Variants in ST6GALNAC3 observed in about 807,000 individuals in gnomAD.
ST6GALNAC3 encodes the protein ST6 N-acetylgalactosaminide alpha-2,6-sialyltransferase 3.
In ST6GALNAC3, 25 loss-of-function variants were observed where a neutral mutation model predicts 32.7. The ratio of observed to expected loss-of-function variants is 0.76; its 90% confidence interval spans 0.56 to 1.07. The LOEUF (loss-of-function observed/expected upper bound fraction) is 1.07. Ranked by LOEUF, ST6GALNAC3 falls within the 50% of genes least tolerant of loss-of-function variation. The pLI is 0.00. For synonymous variants in ST6GALNAC3, 129 were observed against 133.1 expected (o/e 0.97, Z 0.21); for missense variants, 355 against 382.4 (o/e 0.93, Z 0.60).
At position 76,630,430 on chromosome 1, in the gene ST6GALNAC3, A is replaced by G; in HGVS notation, c.*1624A>G. ...TATAGTTTCCTTTCCTAGGATTGAG[A>G]CAATTCTATTTTTCATATACTCGTT... On this transcript the variant is annotated 3_prime_UTR_variant, in exon 5 of 5. Coordinates refer to ENST00000328299, the MANE Select transcript of ST6GALNAC3 (RefSeq NM_152996.4). The G allele has an allele frequency of 1.0e-6, 1 of 985,222 alleles. No homozygotes were observed. The highest frequency in any genetic ancestry group is 1.2e-6 in the Non-Finnish European group (1 of 829,822). The allele number at this position is 985,222 out of a possible 1,614,324, so 61.0% of individuals were successfully genotyped here.
chr1:76,447,106 A>C (rs1301444820), intron 3 of ST6GALNAC3, among the ~76,000 whole-genome samples: 1 of 152,200 alleles, frequency 6.6e-6, no homozygotes, highest in Non-Finnish European at 1.5e-5. Flanking sequence ...AATGGCTTTG[A>C]CTAAAATGCT....
At chr1:76,340,466 G>C (rs1277144675) in intron 2 of ST6GALNAC3, among the ~76,000 whole-genome samples, 2 of 152,162 alleles carry the variant, frequency 1.3e-5, no homozygotes, top group Admixed American at 1.3e-4. Flanking sequence ...CGGCTTTTCT[G>C]TCATGGGGGC....
At chr1:76,130,216 G>GTTC (rs757197900) in intron 1 of ST6GALNAC3, among the ~76,000 whole-genome samples, 14 of 152,196 alleles carry the variant, frequency 9.2e-5, no homozygotes, top group Non-Finnish European at 1.8e-4. Context: ...ATTTTTAATA[G>GTTC]TTCAGTCATG....
At chr1:76,339,913 G>A (rs1647817907) in intron 2 of ST6GALNAC3, among the ~76,000 whole-genome samples, 1 of 152,186 alleles carries the variant, frequency 6.6e-6, no homozygotes, top group Non-Finnish European at 1.5e-5. Flanking sequence ...GTGACATTTA[G>A]CAAAAACCTC....
At chr1:76,263,621 A>G (rs1462344522) in intron 1 of ST6GALNAC3, among the ~76,000 whole-genome samples, 4 of 152,202 alleles carry the variant, frequency 2.6e-5, no homozygotes, top group South Asian at 2.1e-4. Context: ...CTACAATAGC[A>G]GAAGCCTTTA....
intron 3 of ST6GALNAC3, among the ~76,000 whole-genome samples, chr1:76,454,815 T>A (rs1657656194): frequency 6.6e-6 from 1 of 151,488 alleles, no homozygotes; most frequent in Non-Finnish European, 1.5e-5. Flanking sequence ...AACTGGCCTT[T>A]TTAAATGAAT....
chr1:76,508,286 C>T (rs1217085493), intron 3 of ST6GALNAC3, among the ~76,000 whole-genome samples: 2 of 152,158 alleles, frequency 1.3e-5, no homozygotes, highest in Non-Finnish European at 2.9e-5. Context: ...GCTGATCTGA[C>T]AGGAGATGGA....
At chr1:76,454,827 G>T (rs1422588436) in intron 3 of ST6GALNAC3, among the ~76,000 whole-genome samples, 1 of 148,404 alleles carries the variant, frequency 6.7e-6, no homozygotes, top group Non-Finnish European at 1.5e-5. Context: ...TAAATGAATT[G>T]TGCTAGTCTT....
chr1:76,424,646 A>T (rs991029733), intron 3 of ST6GALNAC3, among the ~76,000 whole-genome samples: 9 of 152,016 alleles, frequency 5.9e-5, no homozygotes, highest in African/African-American at 2.2e-4. Flanking sequence ...AACTTTTGTG[A>T]CAAACAGCTT....
At chr1:76,205,664 A>G (rs996509723) in intron 1 of ST6GALNAC3, among the ~76,000 whole-genome samples, 2 of 152,180 alleles carry the variant, frequency 1.3e-5, no homozygotes, top group African/African-American at 2.4e-5. Flanking sequence ...GAAATCTACA[A>G]TGGCATTGAG....
intron 1 of ST6GALNAC3, among the ~76,000 whole-genome samples, chr1:76,088,995 G>A (rs187770600): frequency 1.5e-4 from 23 of 152,246 alleles, no homozygotes; most frequent in African/African-American, 5.1e-4. Flanking sequence ...GTCAAGGAGT[G>A]TAGATTTGAT....
intron 3 of ST6GALNAC3, among the ~76,000 whole-genome samples, chr1:76,570,306 C>A (rs1358680236): frequency 6.6e-6 from 1 of 152,008 alleles, no homozygotes; most frequent in Admixed American, 6.6e-5. Context: ...ATATTCTGCC[C>A]TCAGACCAAA....
chr1:76,531,259 G>A (rs544517927), intron 3 of ST6GALNAC3, among the ~76,000 whole-genome samples: 1 of 152,226 alleles, frequency 6.6e-6, no homozygotes, highest in African/African-American at 2.4e-5. Flanking sequence ...TAAAAAGCAG[G>A]CTTTTGTTTT....
At chr1:76,442,747 T>C (rs553120317) in intron 3 of ST6GALNAC3, among the ~76,000 whole-genome samples, 1 of 152,290 alleles carries the variant, frequency 6.6e-6, no homozygotes, top group East Asian at 1.9e-4. Flanking sequence ...GCATAGTCCC[T>C]TTTAGGACCC....
chr1:76,107,432 C>A (rs1412647282), intron 1 of ST6GALNAC3, among the ~76,000 whole-genome samples: 3 of 151,980 alleles, frequency 2.0e-5, no homozygotes, highest in African/African-American at 7.2e-5. Flanking sequence ...GAAGGTATGG[C>A]CAAGACTCAA....
chr1:76,301,566 C>G (rs999908507), intron 1 of ST6GALNAC3, among the ~76,000 whole-genome samples: 2 of 151,958 alleles, frequency 1.3e-5, no homozygotes, highest in African/African-American at 4.8e-5. Context: ...GATAGGAAAA[C>G]TGTCCTACTT....
intron 1 of ST6GALNAC3, among the ~76,000 whole-genome samples, chr1:76,256,658 G>T (rs1021726971): frequency 5.9e-5 from 9 of 151,936 alleles, no homozygotes; most frequent in Non-Finnish European, 8.8e-5. Context: ...TATGTATTAT[G>T]TGTTCACGGG....
intron 1 of ST6GALNAC3, among the ~76,000 whole-genome samples, chr1:76,075,411 G>A (rs1646801118): frequency 6.6e-6 from 1 of 152,214 alleles, no homozygotes; most frequent in African/African-American, 2.4e-5. Flanking sequence ...AGATCTGCTA[G>A]CTCTGTTTGC....
intron 1 of ST6GALNAC3, chr1:76,309,974 G>A (rs117283537): frequency 1.4e-5 from 7 of 497,686 alleles, no homozygotes; most frequent in South Asian, 4.4e-5. Flanking sequence ...TTTCTCTCAC[G>A]TATGCATACG....
Sources: allele counts gnomAD v4.1 joint callset (sites outside exome capture counted in the v4.1 genomes callset), GRCh38; gene constraint gnomAD v4.1.1; transcripts MANE v1.5; gene names NCBI Gene and HGNC (gene_info 2026-07-23, HGNC 2026-07-21).